Variants in RIMBP2 observed in about 807,000 individuals in gnomAD.
The protein encoded by RIMBP2 is RIMS binding protein 2.
Under a neutral mutation model 118.6 loss-of-function variants are expected in RIMBP2, and 48 were observed. The ratio of observed to expected loss-of-function variants is 0.40; its 90% confidence interval spans 0.32 to 0.51. RIMBP2 has a LOEUF of 0.51. Among genes scored for constraint, RIMBP2 ranks in the 20% least tolerant of loss-of-function variants. The pLI, the probability that RIMBP2 is intolerant of heterozygous loss-of-function variation, is 0.41. For synonymous variants in RIMBP2, 762 were observed against 742.9 expected, an observed-to-expected ratio of 1.03 and a Z score of -0.42; for missense variants, 1,551 against 1,768.3, an observed-to-expected ratio of 0.88 and a Z score of 2.20.
Position 130,454,353 on chromosome 12 carries a change from AGAG to A in RIMBP2, c.358+2140_358+2142del, listed in dbSNP as rs150792136. Among the ~76,000 whole-genome samples, 198 of 152,036 alleles carry A rather than the reference AGAG, an allele frequency of 1.3e-3. 1 individual carries two copies. Among genetic ancestry groups the A allele is most frequent in the African/African-American group, 4.7e-3 (195 of 41,568 alleles). On this transcript the variant is annotated intron_variant, in intron 7 of 22. Transcript: ENST00000690449. ...GAGTGGGGGAAGAAAGAATAAAACA[AGAG>A]GAGACCCTAAGCAGAGGCCTGGAAG...
chr12:130,436,839 T>TACC lies in RIMBP2; in HGVS notation c.2106_2106+2dup. 1 of 1,424,628 alleles carries TACC rather than the reference T, an allele frequency of 7.0e-7. No individual in the cohort carries two copies. Among genetic ancestry groups the TACC allele is most frequent in the Middle Eastern group, 2.6e-4 (1 of 3,800 alleles). 88.2% of individuals were successfully genotyped at this position (1,424,628 alleles called of 1,614,324 possible). On this transcript the variant is annotated splice_region_variant and intron_variant, in intron 13 of 22. Coordinates refer to ENST00000690449, the MANE Select transcript of RIMBP2 (RefSeq NM_001393629.1). ...GCCACCGAGGCGGGAGCCCCAGCCT[T>TACC]ACCCTGCTGCTCTCGGCCACCCTCT...
chr12:130,424,387 G>A lies in RIMBP2; in HGVS notation c.2884C>T (p.Arg962Trp), dbSNP rs1349731214. The A allele has an allele frequency of 3.5e-5, 43 of 1,232,622 alleles. No individual in the cohort carries two copies. The highest frequency in any genetic ancestry group is 3.1e-4 in the Middle Eastern group (1 of 3,208). 76.4% of individuals were successfully genotyped at this position (1,232,622 alleles called of 1,614,324 possible). Residue 962 changes from arginine to tryptophan, a missense_variant, in exon 16 of 23, where the codon CGG becomes TGG. Around this residue, in one of 5 missense-constraint regions of RIMBP2, gnomAD observed 1,038 missense variants for 1,125.1 expected, o/e 0.92. Coordinates refer to ENST00000690449, the MANE Select transcript of RIMBP2 (RefSeq NM_001393629.1). This position sits in a 1 kb window ranked among gnomAD's most constrained non-coding sequence, Gnocchi z 9.8. Reference protein sequence around the residue: ...RGPRPLLARRRTLTRQSSVEE... With the variant: ...RGPRPLLARRWTLTRQSSVEE... ...ACGCTGCTCTGCCGGGTCAGCGTCCGCCGCCGGGCCAGCAGCGGCCTCGGG... is the reference window on the plus strand; with the variant it reads ...ACGCTGCTCTGCCGGGTCAGCGTCCACCGCCGGGCCAGCAGCGGCCTCGGG...
intron 2 of RIMBP2, among the ~76,000 whole-genome samples, chr12:130,565,763 G>A (rs2057173416): frequency 6.6e-6 from 1 of 152,194 alleles, no homozygotes; most frequent in Non-Finnish European, 1.5e-5. Flanking sequence ...TGTTCACACA[G>A]CAGCACAAAG....
At chr12:130,467,099 G>A (rs1004500299) in intron 6 of RIMBP2, among the ~76,000 whole-genome samples, 11 of 152,226 alleles carry the variant, frequency 7.2e-5, no homozygotes, top group African/African-American at 2.7e-4. Context: ...ATTCCTGGGT[G>A]TAGGCTGAAC....
At chr12:130,519,817 C>T (rs1374859603) in intron 2 of RIMBP2, among the ~76,000 whole-genome samples, 1 of 152,206 alleles carries the variant, frequency 6.6e-6, no homozygotes, top group Non-Finnish European at 1.5e-5. Context: ...TGACCTTGGA[C>T]AAGCTGCCTG....
chr12:130,545,129 G>A (rs940716371), intron 2 of RIMBP2, among the ~76,000 whole-genome samples: 45 of 152,160 alleles, frequency 3.0e-4, no homozygotes, highest in African/African-American at 8.4e-4. Context: ...ATATATCATT[G>A]TTTTTCAAGT....
rs1362199070 is a variant in RIMBP2, at chr12:130,525,271, T to C, written c.-216-7354A>G. ...GAGTGGGGACCGGCAGGTCAGCTAC[T>C]GCCCAGAAGCCAAGCAGCATTGCGG... is the stretch of plus-strand genomic sequence containing the variant. On this transcript the variant is annotated intron_variant, in intron 2 of 22. Transcript: ENST00000690449. This position sits in a 1 kb window ranked among gnomAD's most constrained non-coding sequence, Gnocchi z 4.4. Among the ~76,000 whole-genome samples, 2 of 152,180 alleles carry C rather than the reference T, an allele frequency of 1.3e-5. No homozygotes were observed. The highest frequency in any genetic ancestry group is 1.3e-4 in the Admixed American group (2 of 15,280).
chr12:130,543,602 G>A lies in RIMBP2; in HGVS notation c.-216-25685C>T, dbSNP rs139556513. On this transcript the variant is annotated intron_variant, in intron 2 of 22. Coordinates refer to ENST00000690449, the MANE Select transcript of RIMBP2 (RefSeq NM_001393629.1). Reference sequence around the variant, plus strand: ...ATTGGGAAATATGAAGATGCCTCACGAGGAATTGGCCGTAGAGAGTGATGA... The same window carrying A: ...ATTGGGAAATATGAAGATGCCTCACAAGGAATTGGCCGTAGAGAGTGATGA... Among the ~76,000 whole-genome samples the A allele has an allele frequency of 4.7e-3, 708 of 152,172 alleles. 5 individuals carry two copies. Among genetic ancestry groups the A allele is most frequent in the African/African-American group, 0.016 (664 of 41,542 alleles).
chr12:130,622,175 C>A lies in RIMBP2; in HGVS notation c.-217+6147G>T, dbSNP rs529673062. On this transcript the variant is annotated intron_variant, in intron 2 of 22. Transcript: ENST00000690449. The surrounding 1 kb of genome is among the most constrained non-coding windows in gnomAD (Gnocchi z 8.5). Reference sequence around the variant, plus strand: ...AAAATGAGCCCTGAGAACTTGCAGGCCTGTTTGTTTCAGGTTGGATCCTGG... The same window carrying A: ...AAAATGAGCCCTGAGAACTTGCAGGACTGTTTGTTTCAGGTTGGATCCTGG... Among the ~76,000 whole-genome samples, 2 of 152,136 alleles carry A rather than the reference C, an allele frequency of 1.3e-5. No homozygotes were observed. The highest frequency in any genetic ancestry group is 1.3e-4 in the Admixed American group (2 of 15,278).
intron 1 of RIMBP2, among the ~76,000 whole-genome samples, chr12:130,680,217 C>T (rs1044073526): frequency 6.6e-6 from 1 of 152,260 alleles, no homozygotes; most frequent in Non-Finnish European, 1.5e-5. Context: ...ACTAAAAATG[C>T]ACATACCCTG....
intron 2 of RIMBP2, among the ~76,000 whole-genome samples, chr12:130,547,438 A>C (rs2055288582): frequency 6.6e-6 from 1 of 152,230 alleles, no homozygotes; most frequent in African/African-American, 2.4e-5. Flanking sequence ...TTTTCTCACT[A>C]TCGTATTTTA....
chr12:130,674,498 G>T (rs769150987), intron 1 of RIMBP2, among the ~76,000 whole-genome samples: 4 of 152,138 alleles, frequency 2.6e-5, no homozygotes, highest in Admixed American at 1.3e-4. Context: ...GTGCACCTGG[G>T]CACCTGGGCA....
intron 1 of RIMBP2, among the ~76,000 whole-genome samples, chr12:130,677,449 G>A (rs959123674): frequency 5.3e-5 from 8 of 152,076 alleles, no homozygotes; most frequent in Admixed American, 2.0e-4. Flanking sequence ...CCAACATGGC[G>A]AAACCCCATC....
At position 130,622,790 on chromosome 12, in the gene RIMBP2, A is replaced by G. The variant is rs2061398791; in HGVS notation, c.-217+5532T>C. Among the ~76,000 whole-genome samples the G allele has an allele frequency of 6.6e-6, 1 of 152,212 alleles. No homozygotes were observed. Among genetic ancestry groups the G allele is most frequent in the African/African-American group, 2.4e-5 (1 of 41,460 alleles). On this transcript the variant is annotated intron_variant, in intron 2 of 22. Coordinates refer to ENST00000690449, the MANE Select transcript of RIMBP2 (RefSeq NM_001393629.1). This position sits in a 1 kb window ranked among gnomAD's most constrained non-coding sequence, Gnocchi z 8.5. The stretch of plus-strand genomic sequence containing the variant: ...TAGGCAATGCCTCCACTAGGCTGAT[A>G]GTCGCAAAATTCTCCACAAAAGGCA...
chr12:130,402,381 GCAGT>G (rs768513510), intron 21 of RIMBP2, among the ~76,000 whole-genome samples: 1 of 152,018 alleles, frequency 6.6e-6, no homozygotes, highest in Non-Finnish European at 1.5e-5. Context: ...CCTCTGACTG[GCAGT>G]CAGAACGCTG....
intron 4 of RIMBP2, among the ~76,000 whole-genome samples, chr12:130,505,774 C>A (rs1410448758): frequency 1.4e-3 from 2 of 1,474 alleles, no homozygotes; most frequent in African/African-American, 4.0e-3. Flanking sequence ...CCCCCCACCC[C>A]CTCCACTCCC....
intron 1 of RIMBP2, among the ~76,000 whole-genome samples, chr12:130,707,091 C>T (rs1478490100): frequency 6.6e-6 from 1 of 152,174 alleles, no homozygotes; most frequent in Admixed American, 6.5e-5. Flanking sequence ...AGGGCCCGGG[C>T]GTGAGAGCTG....
rs954307668 is a variant in RIMBP2 at position 130,450,499 on chromosome 12, T to A, written c.505-223A>T. On this transcript the variant is annotated intron_variant, in intron 8 of 22. Transcript: ENST00000690449. This position sits in a 1 kb window ranked among gnomAD's most constrained non-coding sequence, Gnocchi z 4.8. ...CCTTATTACATAGGCCCCCTCTGTG[T>A]TTGTAGAGAACCCAGTCCCCAAACA... Among the ~76,000 whole-genome samples, 2 of 151,722 alleles carry A rather than the reference T, an allele frequency of 1.3e-5. No homozygotes were observed. Among genetic ancestry groups the A allele is most frequent in the Non-Finnish European group, 2.9e-5 (2 of 67,938 alleles).
At chr12:130,502,565 C>T (rs1168934317) in intron 4 of RIMBP2, among the ~76,000 whole-genome samples, 1 of 152,104 alleles carries the variant, frequency 6.6e-6, no homozygotes, top group South Asian at 2.1e-4. Context: ...CCTCCCTCTG[C>T]TCAACATGTA....
Sources: allele counts gnomAD v4.1 joint callset (sites outside exome capture counted in the v4.1 genomes callset), GRCh38; gene constraint gnomAD v4.1.1; regional missense constraint gnomAD v4.1.1; non-coding constraint Gnocchi (gnomAD v3.1); transcripts MANE v1.5; gene names NCBI Gene and HGNC (gene_info 2026-07-23, HGNC 2026-07-21).